XXYLT1: variants seen among roughly 807,000 people sequenced by gnomAD.
XXYLT1 encodes the protein xyloside xylosyltransferase 1, also known as UDP-xylose:alpha-xyloside alpha-1,3-xylosyltransferase.
In XXYLT1, 20 loss-of-function variants were observed where a neutral mutation model predicts 28.9. The observed-to-expected ratio is 0.69, with a 90% CI of 0.49 to 1.00. XXYLT1 has a LOEUF of 1.00. Among genes scored for constraint, XXYLT1 ranks in the 50% least tolerant of loss-of-function variants. The probability of loss-of-function intolerance (pLI) is 0.00; values close to 1 mark genes in which losing one functional copy is unlikely to be tolerated. For missense variants in XXYLT1, 542 were observed against 560.1 expected (o/e 0.97, Z 0.33); for synonymous variants, 257 against 253.8 (o/e 1.01, Z -0.12).
chr3:195,099,337 G>C (rs568836537), intron 3 of XXYLT1, among the ~76,000 whole-genome samples: 2 of 152,240 alleles, frequency 1.3e-5, no homozygotes, highest in South Asian at 4.1e-4. Context: ...CACCACCCAG[G>C]CATCATGACC....
At chr3:195,157,198 G>C in intron 2 of XXYLT1, among the ~76,000 whole-genome samples, 1 of 137,756 alleles carries the variant, frequency 7.3e-6, no homozygotes, top group Admixed American at 8.0e-5. Flanking sequence ...AGCTGAGATC[G>C]CGCCACTGCA....
At chr3:195,103,832 A>G (rs1456619742) in intron 3 of XXYLT1, among the ~76,000 whole-genome samples, 3 of 152,240 alleles carry the variant, frequency 2.0e-5, no homozygotes, top group Non-Finnish European at 4.4e-5. Context: ...TCCCTGGCAT[A>G]ACTAGCTGAA....
chr3:195,233,653 T>C (rs1405771449), intron 1 of XXYLT1, among the ~76,000 whole-genome samples: 2 of 151,576 alleles, frequency 1.3e-5, no homozygotes, highest in Admixed American at 6.5e-5. Context: ...AAAAACTCTA[T>C]AACTTCATCT....
chr3:195,204,258 G>A (rs955135188), intron 2 of XXYLT1, among the ~76,000 whole-genome samples: 7 of 151,418 alleles, frequency 4.6e-5, no homozygotes, highest in Admixed American at 6.6e-5. Context: ...CAGAAAACTC[G>A]CTTGAACCCA....
chr3:195,207,677 A>G (rs1231387792), intron 2 of XXYLT1, among the ~76,000 whole-genome samples: 1 of 152,188 alleles, frequency 6.6e-6, no homozygotes, highest in Non-Finnish European at 1.5e-5. Context: ...GCTGCAAACA[A>G]CAAATATTTA....
Position 195,195,820 on chromosome 3 carries a change from C to T in XXYLT1, c.652+30889G>A, listed in dbSNP as rs1197667810. 6.6e-6 allele frequency among the ~76,000 whole-genome samples: 1 copy of T among 152,210 alleles called. No homozygotes were observed. The highest frequency in any genetic ancestry group is 1.5e-5 in the Non-Finnish European group (1 of 68,038). On this transcript the variant is annotated intron_variant, in intron 2 of 3. Transcript: ENST00000310380. The surrounding 1 kb of genome is among the most constrained non-coding windows in gnomAD (Gnocchi z 4.4). ...AGGAGTTCAGCACCGCCAGCCACAC[C>T]TGCCATGGTCTAGACACAGTCCTGT...
chr3:195,116,852 C>G (rs1322722094), intron 3 of XXYLT1, among the ~76,000 whole-genome samples: 1 of 152,116 alleles, frequency 6.6e-6, no homozygotes, highest in Non-Finnish European at 1.5e-5. Flanking sequence ...AAAGGTCCCA[C>G]AGGTGATTGG....
intron 2 of XXYLT1, among the ~76,000 whole-genome samples, chr3:195,162,730 G>C (rs1183701303): frequency 1.3e-5 from 2 of 152,220 alleles, no homozygotes; most frequent in African/African-American, 4.8e-5. Flanking sequence ...ATATCCTTTA[G>C]GATAGGACAG....
chr3:195,102,142 C>G (rs1057403493), intron 3 of XXYLT1, among the ~76,000 whole-genome samples: 1 of 151,830 alleles, frequency 6.6e-6, no homozygotes, highest in Non-Finnish European at 1.5e-5. Context: ...CTATGTTTTC[C>G]AACAGAATAG....
At chr3:195,172,505 G>A (rs1415817238) in intron 2 of XXYLT1, among the ~76,000 whole-genome samples, 2 of 152,196 alleles carry the variant, frequency 1.3e-5, no homozygotes, top group Non-Finnish European at 2.9e-5. Flanking sequence ...TGCCTTCCCT[G>A]TTCATGACTA....
At chr3:195,128,942 C>T (rs1718769970) in intron 3 of XXYLT1, among the ~76,000 whole-genome samples, 1 of 152,206 alleles carries the variant, frequency 6.6e-6, no homozygotes, top group South Asian at 2.1e-4. Context: ...GTAGAACCGT[C>T]TTGTCCCAGT....
At chr3:195,099,684 A>T (rs1716659705) in intron 3 of XXYLT1, among the ~76,000 whole-genome samples, 1 of 152,122 alleles carries the variant, frequency 6.6e-6, no homozygotes, top group Non-Finnish European at 1.5e-5. Flanking sequence ...CAAAAAAATT[A>T]GCCGGGCGTG....
In XXYLT1 at chr3:195,176,730, A is replaced by G. The variant is rs13081598; in HGVS notation, c.653-20149T>C. On this transcript the variant is annotated intron_variant, in intron 2 of 3. Coordinates refer to ENST00000310380, the MANE Select transcript of XXYLT1 (RefSeq NM_152531.5). The surrounding 1 kb of genome is among the most constrained non-coding windows in gnomAD (Gnocchi z 4.9). ...TTACGCTTACCTAAGGACTCTAAAC[A>G]TGCAAAAGGCAGATGTTTGGGGTTG... Among the ~76,000 whole-genome samples the G allele has an allele frequency of 2.8e-4, 43 of 152,314 alleles. No individual in the cohort carries two copies. Among genetic ancestry groups the G allele is most frequent in the Non-Finnish European group, 5.7e-4 (39 of 68,036 alleles).
intron 2 of XXYLT1, among the ~76,000 whole-genome samples, chr3:195,224,346 T>A (rs1010896281): frequency 3.9e-5 from 6 of 152,214 alleles, no homozygotes; most frequent in Admixed American, 3.9e-4. Context: ...CTGCATCGAC[T>A]GCAAAGCTCT....
chr3:195,199,170 G>A (rs991467719), intron 2 of XXYLT1, among the ~76,000 whole-genome samples: 3 of 150,872 alleles, frequency 2.0e-5, no homozygotes, highest in African/African-American at 5.0e-5. Flanking sequence ...AGGAGAGGCC[G>A]TGTGGGCAGG....
chr3:195,233,481 T>C (rs1724390141), intron 1 of XXYLT1, among the ~76,000 whole-genome samples: 1 of 152,240 alleles, frequency 6.6e-6, no homozygotes, highest in Non-Finnish European at 1.5e-5. Context: ...TATGTTTTAT[T>C]TTCATGCTTT....
intron 2 of XXYLT1, among the ~76,000 whole-genome samples, chr3:195,157,869 G>C (rs2108685572): frequency 6.6e-6 from 1 of 152,286 alleles, no homozygotes; most frequent in African/African-American, 2.4e-5. Flanking sequence ...GTGACCCAGG[G>C]AAAGTTATTT....
At chr3:195,141,490 T>C (rs6437459) in intron 3 of XXYLT1, among the ~76,000 whole-genome samples, 6,440 of 152,312 alleles carry the variant, frequency 0.042, 461 homozygotes, top group African/African-American at 0.15. Flanking sequence ...CCTCAACTAC[T>C]GGGCTTCAAA....
rs112888985 is a variant in XXYLT1 at position 195,200,187 on chromosome 3, C to G, written c.652+26522G>C. 1.6e-4 allele frequency among the ~76,000 whole-genome samples: 25 copies of G among 152,284 alleles called. 2 individuals are homozygous for G. Among genetic ancestry groups the G allele is most frequent in the African/African-American group, 5.3e-4 (22 of 41,568 alleles). ...TCTCGCGCTCTAGAAAGCCGTGAAG[C>G]AGCGCGGTTCCAGATCTGGCGCTCT... On this transcript the variant is annotated intron_variant, in intron 2 of 3. Transcript: ENST00000310380.
Sources: gnomAD v4.1 joint callset for allele counts (sites outside exome capture counted in the v4.1 genomes callset) on GRCh38, gnomAD v4.1.1 for gene constraint, Gnocchi (gnomAD v3.1) non-coding constraint, MANE v1.5 for transcripts, NCBI Gene and HGNC (gene_info 2026-07-23, HGNC 2026-07-21) for gene names.